BMP8A: variants seen among roughly 807,000 people sequenced by gnomAD.
The protein encoded by BMP8A is BMP-8A.
BMP8A carries 14 observed loss-of-function variants against 36.8 expected under a neutral mutation model. That is an observed-to-expected ratio of 0.38 (90% CI 0.25 to 0.60). The LOEUF (loss-of-function observed/expected upper bound fraction) is 0.60. Among genes scored for constraint, BMP8A ranks in the 20% least tolerant of loss-of-function variants. BMP8A has a pLI of 0.63. For synonymous variants in BMP8A, 120 were observed against 237.7 expected (o/e 0.50, Z 4.55); for missense variants, 267 against 551.1 (o/e 0.48, Z 5.16).
At chr1:39,523,608 A>G (rs1645452434) in intron 6 of BMP8A, 1 of 1,431,164 alleles carries the variant, frequency 7.0e-7, no homozygotes. Flanking sequence ...GTGGCTCTCA[A>G]CCTTTTGGCT....
intron 1 of BMP8A, among the ~76,000 whole-genome samples, chr1:39,496,969 C>T (rs144149655): frequency 3.3e-5 from 5 of 152,336 alleles, no homozygotes; most frequent in African/African-American, 2.4e-5. Context: ...ACAATCCTTC[C>T]GGCAACTACT....
intron 1 of BMP8A, among the ~76,000 whole-genome samples, chr1:39,510,144 G>A (rs1327582177): frequency 1.4e-5 from 2 of 142,634 alleles, no homozygotes; most frequent in East Asian, 2.1e-4. Flanking sequence ...GGCCAGAGGC[G>A]CAGCCCAGGC....
At chr1:39,522,587 G>A (rs1645437407) in intron 5 of BMP8A, 105 bp downstream of exon 5, 4 of 1,316,778 alleles carry the variant, frequency 3.0e-6, no homozygotes, top group Non-Finnish European at 4.2e-6. Flanking sequence ...ATTTTCTTAT[G>A]TATTTTTTTC....
intron 1 of BMP8A, among the ~76,000 whole-genome samples, chr1:39,499,012 C>T (rs1305542177): frequency 5.3e-5 from 8 of 152,012 alleles, no homozygotes; most frequent in Admixed American, 1.3e-4. Flanking sequence ...GGGGCACCCC[C>T]GCTCTGGGGC....
intron 1 of BMP8A, among the ~76,000 whole-genome samples, chr1:39,503,437 C>A (rs1376143332): frequency 6.7e-6 from 1 of 149,716 alleles, no homozygotes; most frequent in African/African-American, 2.5e-5. Context: ...CCAGTCTGGG[C>A]AACATAGTGA....
intron 6 of BMP8A, among the ~76,000 whole-genome samples, chr1:39,523,318 C>T (rs1645449008): frequency 6.6e-6 from 1 of 152,194 alleles, no homozygotes; most frequent in East Asian, 1.9e-4. Flanking sequence ...ACACATAGAC[C>T]CACACCCAAA....
intron 3 of BMP8A, chr1:39,515,542 A>C: frequency 7.8e-7 from 1 of 1,286,096 alleles, no homozygotes; most frequent in Non-Finnish European, 1.1e-6. Flanking sequence ...AACGGCGACC[A>C]CTTCCTTTTG....
chr1:39,493,304 A>C (rs1427628495), intron 1 of BMP8A, among the ~76,000 whole-genome samples: 1 of 152,212 alleles, frequency 6.6e-6, no homozygotes, highest in Admixed American at 6.5e-5. Flanking sequence ...GACAACCCTG[A>C]TAACAGCCAC....
At chr1:39,494,186 G>C (rs1413627143) in intron 1 of BMP8A, among the ~76,000 whole-genome samples, 1 of 152,200 alleles carries the variant, frequency 6.6e-6, no homozygotes, top group Non-Finnish European at 1.5e-5. Flanking sequence ...TTAGTGTGGA[G>C]GTGACAGGAA....
intron 3 of BMP8A, chr1:39,515,161 T>C (rs1488383344): frequency 6.5e-7 from 1 of 1,549,294 alleles, no homozygotes; most frequent in African/African-American, 1.4e-5. Flanking sequence ...CTCTGCGGGA[T>C]CCCCGAGAAC....
chr1:39,501,588 G>A (rs1334691071), intron 1 of BMP8A, among the ~76,000 whole-genome samples: 1 of 152,156 alleles, frequency 6.6e-6, no homozygotes, highest in Non-Finnish European at 1.5e-5. Flanking sequence ...CTAAAGTGCA[G>A]TGATGTGATC....
intron 5 of BMP8A, 84 bp downstream of exon 5, chr1:39,522,566 T>C: frequency 1.5e-6 from 2 of 1,379,046 alleles, no homozygotes; most frequent in Non-Finnish European, 2.0e-6. Flanking sequence ...CATAGAATCA[T>C]GGTGACTTCA....
At chr1:39,516,914 G>A (rs1645398740) in intron 3 of BMP8A, among the ~76,000 whole-genome samples, 1 of 152,004 alleles carries the variant, frequency 6.6e-6, no homozygotes, top group Non-Finnish European at 1.5e-5. Flanking sequence ...GTGAGAAATA[G>A]GCGAGCAAAG....
At chr1:39,525,171 A>C (rs974717319) in intron 6 of BMP8A, 3 of 166,808 alleles carry the variant, frequency 1.8e-5, no homozygotes, top group Non-Finnish European at 2.6e-5. Flanking sequence ...GGAGCAGCAC[A>C]GGAGAGGGGG....
intron 1 of BMP8A, among the ~76,000 whole-genome samples, chr1:39,510,450 T>C (rs1645343137): frequency 7.1e-6 from 1 of 140,330 alleles, no homozygotes; most frequent in African/African-American, 2.6e-5. Flanking sequence ...CTTTCCACGT[T>C]TCCCTTCTTC....
At position 39,528,391 on chromosome 1, in the gene BMP8A, G is replaced by A. The variant is rs1329457001; in HGVS notation, c.*2593G>A. Reference sequence around the variant, plus strand: ...CTCCCACAGCCCAGGATGCATTCAAGGCTGCACATCAGGAGCATAAATAAG... The same window carrying A: ...CTCCCACAGCCCAGGATGCATTCAAAGCTGCACATCAGGAGCATAAATAAG... On this transcript the variant is annotated 3_prime_UTR_variant, in exon 7 of 7. Transcript: ENST00000331593. Among the ~76,000 whole-genome samples the A allele has an allele frequency of 6.6e-6, 1 of 152,172 alleles. No homozygotes were observed. Among genetic ancestry groups the A allele is most frequent in the Non-Finnish European group, 1.5e-5 (1 of 68,040 alleles).
At chr1:39,497,789 C>A (rs1341451089) in intron 1 of BMP8A, among the ~76,000 whole-genome samples, 2 of 152,144 alleles carry the variant, frequency 1.3e-5, no homozygotes, top group African/African-American at 4.8e-5. Flanking sequence ...AAAGAGGAAC[C>A]CAGCAGGAGG....
intron 1 of BMP8A, among the ~76,000 whole-genome samples, chr1:39,499,021 G>T (rs1246622017): frequency 6.6e-6 from 1 of 152,082 alleles, no homozygotes; most frequent in East Asian, 1.9e-4. Flanking sequence ...CCGCTCTGGG[G>T]CCCCGGAACA....
intron 6 of BMP8A, chr1:39,523,786 C>T (rs562440659): frequency 3.0e-5 from 33 of 1,092,352 alleles, no homozygotes; most frequent in Non-Finnish European, 3.8e-5. Context: ...GGCACCGAGG[C>T]TTCCTTCTAG....
Sources: allele counts gnomAD v4.1 joint callset (sites outside exome capture counted in the v4.1 genomes callset), GRCh38; gene constraint gnomAD v4.1.1; transcripts MANE v1.5; gene names NCBI Gene and HGNC (gene_info 2026-07-23, HGNC 2026-07-21).